GRID2: variants seen among roughly 807,000 people sequenced by gnomAD.
GRID2 encodes glutamate receptor ionotropic, delta-2.
Under a neutral mutation model 114.8 loss-of-function variants are expected in GRID2, and 33 were observed. The ratio of observed to expected loss-of-function variants is 0.29; its 90% confidence interval spans 0.22 to 0.38. GRID2 has a LOEUF of 0.38. Ranked by LOEUF, GRID2 falls within the 10% of genes least tolerant of loss-of-function variation. The pLI, the probability that GRID2 is intolerant of heterozygous loss-of-function variation, is 1.00. For missense variants in GRID2, 1,184 were observed against 1,257.7 expected (o/e 0.94, Z 0.89); for synonymous variants, 505 against 449.9 (o/e 1.12, Z -1.55).
intron 14 of GRID2, among the ~76,000 whole-genome samples, chr4:93,727,507 A>G (rs1219710758): frequency 6.6e-6 from 1 of 152,168 alleles, no homozygotes; most frequent in Non-Finnish European, 1.5e-5. Flanking sequence ...TCATAAAATG[A>G]GTTACGGAGG....
intron 2 of GRID2, among the ~76,000 whole-genome samples, chr4:92,739,933 ATAT>A (rs1041266587): frequency 5.9e-5 from 9 of 152,140 alleles, no homozygotes; most frequent in African/African-American, 2.2e-4. Flanking sequence ...ACCTTCCATA[ATAT>A]TTTTTCTGAT....
chr4:93,783,131 T>C (rs1423533533), intron 1 of GRID2, among the ~76,000 whole-genome samples: 1 of 152,258 alleles, frequency 6.6e-6, no homozygotes, highest in East Asian at 1.9e-4. Context: ...AGCAAGTCGC[T>C]AATTTCTGCT....
At chr4:93,683,872 A>G (rs1002838527) in intron 14 of GRID2, among the ~76,000 whole-genome samples, 1 of 152,092 alleles carries the variant, frequency 6.6e-6, no homozygotes, top group African/African-American at 2.4e-5. Flanking sequence ...CTGTTAAAGT[A>G]AAAATTACTC....
At chr4:92,553,958 A>G (rs959303972) in intron 1 of GRID2, among the ~76,000 whole-genome samples, 8 of 152,214 alleles carry the variant, frequency 5.3e-5, no homozygotes, top group Non-Finnish European at 1.0e-4. Flanking sequence ...CCTATCATTA[A>G]CATTTTTATT....
At chr4:93,039,319 G>A (rs547328872) in intron 2 of GRID2, among the ~76,000 whole-genome samples, 3 of 151,968 alleles carry the variant, frequency 2.0e-5, no homozygotes, top group African/African-American at 7.2e-5. Flanking sequence ...GGCCTGTCTG[G>A]GGGTGGGTGG....
chr4:92,380,059 C>T (rs966046281), intron 1 of GRID2, among the ~76,000 whole-genome samples: 1 of 151,780 alleles, frequency 6.6e-6, no homozygotes, highest in Non-Finnish European at 1.5e-5. Context: ...AGTATACATT[C>T]GAAAGTGCTG....
chr4:92,879,432 C>A (rs1170505666), intron 2 of GRID2, among the ~76,000 whole-genome samples: 1 of 152,286 alleles, frequency 6.6e-6, no homozygotes, highest in South Asian at 2.1e-4. Context: ...AACATTAGCC[C>A]TAATAAGTGC....
chr4:92,380,505 T>C (rs1560596523), intron 1 of GRID2, among the ~76,000 whole-genome samples: 1 of 152,014 alleles, frequency 6.6e-6, no homozygotes, highest in Non-Finnish European at 1.5e-5. Flanking sequence ...ACATATTTGA[T>C]TTGGCTCCAT....
At chr4:93,264,949 A>C (rs1048424512) in intron 8 of GRID2, among the ~76,000 whole-genome samples, 3 of 151,170 alleles carry the variant, frequency 2.0e-5, no homozygotes, top group Non-Finnish European at 4.4e-5. Flanking sequence ...TGCCTGGCTA[A>C]TTTTTGTATT....
chr4:93,007,011 CA>C (rs1721607026), intron 2 of GRID2, among the ~76,000 whole-genome samples: 1 of 151,170 alleles, frequency 6.6e-6, no homozygotes, highest in Non-Finnish European at 1.5e-5. Flanking sequence ...ATCAGTGAAA[CA>C]AAAAATAGCA....
intron 1 of GRID2, among the ~76,000 whole-genome samples, chr4:92,527,682 C>T (rs1158132008): frequency 6.6e-6 from 1 of 151,974 alleles, no homozygotes; most frequent in African/African-American, 2.4e-5. Context: ...GAATTTTTCT[C>T]ACTTAGTGTG....
chr4:92,931,897 C>T (rs1190392592), intron 2 of GRID2, among the ~76,000 whole-genome samples: 1 of 151,090 alleles, frequency 6.6e-6, no homozygotes, highest in Non-Finnish European at 1.5e-5. Flanking sequence ...ATAGAAAATT[C>T]TCAAATTACT....
intron 2 of GRID2, among the ~76,000 whole-genome samples, chr4:92,736,282 T>C (rs1736594541): frequency 6.6e-6 from 1 of 152,044 alleles, no homozygotes; most frequent in Non-Finnish European, 1.5e-5. Flanking sequence ...ATTTAAAAGT[T>C]GGAAAAGACA....
intron 13 of GRID2, among the ~76,000 whole-genome samples, chr4:93,517,323 G>A (rs1036061518): frequency 2.6e-5 from 4 of 151,990 alleles, no homozygotes; most frequent in African/African-American, 9.7e-5. Context: ...CAATAAAAGA[G>A]GTAGATAATA....
At chr4:92,920,931 C>T (rs1749266168) in intron 2 of GRID2, among the ~76,000 whole-genome samples, 1 of 152,126 alleles carries the variant, frequency 6.6e-6, no homozygotes, top group African/African-American at 2.4e-5. Flanking sequence ...TGGATAATAT[C>T]CTGCAGAGTG....
intron 8 of GRID2, among the ~76,000 whole-genome samples, chr4:93,317,456 AAAAC>A (rs756413923): frequency 4.6e-5 from 7 of 152,234 alleles, no homozygotes; most frequent in East Asian, 1.9e-4. Flanking sequence ...AGCTGTTTAA[AAAAC>A]AAACAGACAA....
intron 1 of GRID2, among the ~76,000 whole-genome samples, chr4:92,501,675 G>C (rs952131157): frequency 2.0e-5 from 3 of 152,134 alleles, no homozygotes; most frequent in Admixed American, 2.0e-4. Flanking sequence ...GCCTTACCCT[G>C]TATGACCTGG....
rs906114499 is a variant in GRID2, at chr4:93,419,140, A to G, written c.1348-3631A>G. On this transcript the variant is annotated intron_variant, in intron 9 of 15. Transcript: ENST00000282020. ...CTTTGTTGTCCTGTCAGTACCAGTT[A>G]TGGTGTGTGTTGCTTTTTCTTTCTT... 7.9e-4 allele frequency among the ~76,000 whole-genome samples: 85 copies of G among 107,136 alleles called. 1 individual carries two copies. The highest frequency in any genetic ancestry group is 3.2e-3 in the African/African-American group (79 of 24,490). 70.3% of individuals were successfully genotyped at this position (107,136 alleles called of 152,430 possible).
At chr4:92,463,057 A>G (rs556232445) in intron 1 of GRID2, among the ~76,000 whole-genome samples, 2 of 152,144 alleles carry the variant, frequency 1.3e-5, no homozygotes, top group South Asian at 2.1e-4. Context: ...GAAGTTTTAT[A>G]TTATGACTAT....
Sources: allele counts gnomAD v4.1 joint callset (sites outside exome capture counted in the v4.1 genomes callset), GRCh38; gene constraint gnomAD v4.1.1; transcripts MANE v1.5; gene names NCBI Gene and HGNC (gene_info 2026-07-23, HGNC 2026-07-21).